The following ALCAM variants were observed in gnomAD, a reference collection of about 807,000 sequenced individuals.
ALCAM encodes activated leukocyte cell adhesion molecule, also known as CD166 antigen.
In ALCAM, 30 loss-of-function variants were observed where a neutral mutation model predicts 70.9. The ratio of observed to expected loss-of-function variants is 0.42; its 90% CI spans 0.32 to 0.57. The LOEUF (loss-of-function observed/expected upper bound fraction) is 0.57, where lower values mean the gene tolerates loss of function less well. ALCAM is among the 20% of genes least tolerant of loss of function. ALCAM has a pLI of 0.11. For missense variants in ALCAM, 591 were observed against 695.1 expected, an observed-to-expected ratio of 0.85 and a Z score of 1.68; for synonymous variants, 249 against 242.5, an observed-to-expected ratio of 1.03 and a Z score of -0.25.
chr3:105,428,498 A>G (rs1936849285), intron 1 of ALCAM, among the ~76,000 whole-genome samples: 1 of 151,930 alleles, frequency 6.6e-6, no homozygotes, highest in African/African-American at 2.4e-5. Flanking sequence ...TATAAATACT[A>G]GAAATGAGTA....
At chr3:105,459,526 T>C (rs142328116) in intron 1 of ALCAM, among the ~76,000 whole-genome samples, 1 of 152,178 alleles carries the variant, frequency 6.6e-6, no homozygotes, top group Non-Finnish European at 1.5e-5. Context: ...GGGCAATAAA[T>C]TGATGGCACT....
rs1359787761 is a variant in ALCAM, at chr3:105,435,798, TG to T, written c.73+68318del. Reference sequence around the variant, plus strand: ...AGAGGTTTTTTTTTGTTTGTTTGTTTGTTTTTTTTTGAGACGGAGTCTCGCT... The same window carrying T: ...AGAGGTTTTTTTTTGTTTGTTTGTTTTTTTTTTTTGAGACGGAGTCTCGCT... On this transcript the variant is annotated intron_variant, in intron 1 of 15. Transcript: ENST00000306107. Among the ~76,000 whole-genome samples the T allele has an allele frequency of 2.0e-3, 302 of 152,266 alleles. 1 individual carries two copies. The highest frequency in any genetic ancestry group is 7.0e-3 in the African/African-American group (293 of 41,562).
chr3:105,435,741 T>A (rs1001741701), intron 1 of ALCAM, among the ~76,000 whole-genome samples: 1 of 152,232 alleles, frequency 6.6e-6, no homozygotes, highest in South Asian at 2.1e-4. Context: ...TTTATGCTGT[T>A]GATAAAGACA....
chr3:105,461,929 C>G (rs904018099), intron 1 of ALCAM, among the ~76,000 whole-genome samples: 2 of 151,480 alleles, frequency 1.3e-5, no homozygotes, highest in African/African-American at 4.8e-5. Flanking sequence ...TCAGCTCCAG[C>G]TTTTTTACAT....
chr3:105,377,207 T>C (rs1467316828), intron 1 of ALCAM, among the ~76,000 whole-genome samples: 1 of 152,164 alleles, frequency 6.6e-6, no homozygotes, highest in Non-Finnish European at 1.5e-5. Context: ...CATTGGATTT[T>C]ACTGTACTAT....
chr3:105,511,218 G>C (rs1462975502), intron 1 of ALCAM, among the ~76,000 whole-genome samples: 2 of 151,984 alleles, frequency 1.3e-5, no homozygotes, highest in South Asian at 4.1e-4. Flanking sequence ...GGCTACCATT[G>C]TGGGCAAGCT....
At chr3:105,418,148 A>G (rs1177963812) in intron 1 of ALCAM, among the ~76,000 whole-genome samples, 3 of 151,838 alleles carry the variant, frequency 2.0e-5, no homozygotes, top group Admixed American at 1.3e-4. Flanking sequence ...AGGCCTTTAA[A>G]TTCACCAAGT....
intron 14 of ALCAM, 145 bp downstream of exon 14, chr3:105,552,730 T>A (rs1395430544): frequency 6.8e-7 from 1 of 1,477,370 alleles, no homozygotes; most frequent in African/African-American, 1.4e-5. Context: ...ATATATTTTG[T>A]TTCAACTAAT....
chr3:105,370,726 A>AG (rs1440784327), intron 1 of ALCAM, among the ~76,000 whole-genome samples: 128 of 151,690 alleles, frequency 8.4e-4, no homozygotes, highest in African/African-American at 3.0e-3. Context: ...CAGCCTTAGT[A>AG]GGGAAAAAAA....
At chr3:105,491,420 T>A (rs1938583994) in intron 1 of ALCAM, among the ~76,000 whole-genome samples, 1 of 152,226 alleles carries the variant, frequency 6.6e-6, no homozygotes, top group African/African-American at 2.4e-5. Flanking sequence ...TGGCATGAAT[T>A]TCTCCTCAGA....
At chr3:105,422,672 A>T (rs547184120) in intron 1 of ALCAM, among the ~76,000 whole-genome samples, 16 of 151,622 alleles carry the variant, frequency 1.1e-4, no homozygotes, top group Admixed American at 1.1e-3. Flanking sequence ...ATTACGGAGC[A>T]GAACATTCAA....
intron 11 of ALCAM, among the ~76,000 whole-genome samples, chr3:105,549,685 T>A (rs1940344673): frequency 6.6e-6 from 1 of 151,414 alleles, no homozygotes; most frequent in Non-Finnish European, 1.5e-5. Flanking sequence ...AAATTATACA[T>A]ACATACATAC....
At chr3:105,384,824 C>T (rs1935610371) in intron 1 of ALCAM, among the ~76,000 whole-genome samples, 1 of 151,412 alleles carries the variant, frequency 6.6e-6, no homozygotes, top group Non-Finnish European at 1.5e-5. Flanking sequence ...TCACTTTCAG[C>T]CTTTTAAATA....
chr3:105,499,286 T>C (rs571172636), intron 1 of ALCAM, among the ~76,000 whole-genome samples: 1 of 152,240 alleles, frequency 6.6e-6, no homozygotes, highest in African/African-American at 2.4e-5. Context: ...GCAAGTGACT[T>C]TAGGTGAGAG....
chr3:105,515,295 T>C (rs7624777), intron 1 of ALCAM, among the ~76,000 whole-genome samples: 37,174 of 151,966 alleles, frequency 0.24, 5,172 homozygotes, highest in East Asian at 0.44. Flanking sequence ...GGAATCCACT[T>C]CCTGAAGTCA....
chr3:105,563,849 G>T (rs1205243808), intron 14 of ALCAM, among the ~76,000 whole-genome samples: 2 of 149,044 alleles, frequency 1.3e-5, no homozygotes, highest in Non-Finnish European at 3.0e-5. Context: ...CACCGCGCCC[G>T]GCTAATTTTT....
intron 1 of ALCAM, among the ~76,000 whole-genome samples, chr3:105,377,259 G>A (rs1366944892): frequency 3.9e-5 from 6 of 152,004 alleles, no homozygotes; most frequent in African/African-American, 1.2e-4. Flanking sequence ...GGAAGTTTAG[G>A]TTGTTTCCAA....
chr3:105,543,266 G>C (rs1020081036), intron 8 of ALCAM, among the ~76,000 whole-genome samples: 2 of 151,700 alleles, frequency 1.3e-5, no homozygotes, highest in Admixed American at 6.6e-5. Flanking sequence ...GTTTGGCTGT[G>C]ATGGGGGAAA....
In ALCAM at chr3:105,389,430, C is replaced by T. The variant is rs1399218698; in HGVS notation, c.73+21949C>T. 2.7e-5 allele frequency among the ~76,000 whole-genome samples: 3 copies of T among 112,374 alleles called. No homozygotes were observed. In the Admixed American group the frequency reaches 3.9e-4, roughly 15 times the overall value. The allele number at this position is 112,374 out of a possible 152,430, so 73.7% of individuals were successfully genotyped here. A position where few individuals can be genotyped will look rare whatever the true frequency, so the allele number is the denominator to read the frequency against. Reference sequence around the variant, plus strand: ...AACACACAGGAACCTTAATAATGGGCTTCTCTGAAAGGGAGGCCTGCGAAT... The same window carrying T: ...AACACACAGGAACCTTAATAATGGGTTTCTCTGAAAGGGAGGCCTGCGAAT... On this transcript the variant is annotated intron_variant, in intron 1 of 15. Coordinates refer to ENST00000306107, the MANE Select transcript of ALCAM (RefSeq NM_001627.4).
Sources: gnomAD v4.1 joint callset for allele counts (sites outside exome capture counted in the v4.1 genomes callset) on GRCh38, gnomAD v4.1.1 for gene constraint, MANE v1.5 for transcripts, NCBI Gene and HGNC (gene_info 2026-07-23, HGNC 2026-07-21) for gene names.